Variants in EYS observed in about 807,000 individuals in gnomAD.
EYS encodes EGF-like photoreceptor maintenance factor.
EYS carries 250 observed loss-of-function variants against 282.1 expected under a neutral mutation model. That is an observed-to-expected ratio of 0.89 (90% CI 0.80 to 0.98). The LOEUF (loss-of-function observed/expected upper bound fraction) is 0.98. Among genes scored for constraint, EYS ranks in the 50% least tolerant of loss-of-function variants. The probability of loss-of-function intolerance (pLI) is 0.00; values close to 1 mark genes in which losing one functional copy is unlikely to be tolerated. For synonymous variants in EYS, 1,355 were observed against 1,282.9 expected, an observed-to-expected ratio of 1.06 and a Z score of -1.20; for missense variants, 4,016 against 3,709.0, an observed-to-expected ratio of 1.08 and a Z score of -2.15.
At chr6:64,266,176 T>C (rs893589697) in intron 30 of EYS, among the ~76,000 whole-genome samples, 10 of 152,164 alleles carry the variant, frequency 6.6e-5, no homozygotes, top group African/African-American at 2.2e-4. Context: ...CAGTTTCTAA[T>C]TTTACTTCAC....
intron 22 of EYS, among the ~76,000 whole-genome samples, chr6:64,789,459 C>T (rs534472595): frequency 6.6e-6 from 1 of 152,150 alleles, no homozygotes; most frequent in Non-Finnish European, 1.5e-5. Context: ...ACTTACAAGT[C>T]TATAAACATG....
chr6:65,113,110 G>C (rs1394517244), intron 12 of EYS, among the ~76,000 whole-genome samples: 3 of 151,942 alleles, frequency 2.0e-5, no homozygotes, highest in Non-Finnish European at 4.4e-5. Flanking sequence ...CCTTTTAGTT[G>C]TGCACGTAAG....
intron 35 of EYS, among the ~76,000 whole-genome samples, chr6:63,920,102 T>TA (rs1764529065): frequency 3.9e-5 from 6 of 152,212 alleles, no homozygotes; most frequent in Admixed American, 3.9e-4. Context: ...GTAACGCACT[T>TA]ACAGTTTTAG....
intron 4 of EYS, among the ~76,000 whole-genome samples, chr6:65,491,904 C>T (rs993828763): frequency 1.3e-5 from 2 of 152,052 alleles, no homozygotes; most frequent in African/African-American, 4.8e-5. Flanking sequence ...AAGAGGAGAA[C>T]ATTTACACAC....
At chr6:64,722,322 G>GA (rs149131444) in intron 22 of EYS, among the ~76,000 whole-genome samples, 3,860 of 152,036 alleles carry the variant, frequency 0.025, 125 homozygotes, top group East Asian at 0.14. Flanking sequence ...TAAAAAATGA[G>GA]AAAAATATAA....
rs372042507 is a variant in EYS at position 65,089,813 on chromosome 6, G to A, written c.2024-32086C>T. ...TACTAAACAAATGCAAAAATTAGCC[G>A]GGTATGGTGGCATGCACCTGTAATC... On this transcript the variant is annotated intron_variant, in intron 12 of 42. Coordinates refer to ENST00000503581, the MANE Select transcript of EYS (RefSeq NM_001142800.2). Among the ~76,000 whole-genome samples the A allele has an allele frequency of 6.7e-4, 101 of 151,738 alleles. 1 individual carries two copies. The highest frequency in any genetic ancestry group is 6.8e-4 in the Non-Finnish European group (46 of 67,888).
intron 16 of EYS, among the ~76,000 whole-genome samples, chr6:64,910,801 A>G (rs1767966281): frequency 6.6e-6 from 1 of 152,072 alleles, no homozygotes; most frequent in Non-Finnish European, 1.5e-5. Context: ...GGAAAGAAAT[A>G]TCACTATATT....
chr6:65,389,658 A>T (rs1765936402), intron 7 of EYS, among the ~76,000 whole-genome samples: 1 of 152,110 alleles, frequency 6.6e-6, no homozygotes, highest in African/African-American at 2.4e-5. Flanking sequence ...GATGGACAAG[A>T]CGTGTCAAAA....
intron 35 of EYS, among the ~76,000 whole-genome samples, chr6:63,915,548 G>T: frequency 6.6e-6 from 1 of 152,164 alleles, no homozygotes; most frequent in East Asian, 1.9e-4. Flanking sequence ...TTTAACAAAT[G>T]TATTTTTGTA....
At chr6:65,020,932 A>T (rs1772235882) in intron 13 of EYS, among the ~76,000 whole-genome samples, 1 of 152,052 alleles carries the variant, frequency 6.6e-6, no homozygotes, top group African/African-American at 2.4e-5. Flanking sequence ...TCCCTTTTTT[A>T]GCTATGGCTG....
chr6:65,661,709 C>A (rs1010478266), intron 1 of EYS, among the ~76,000 whole-genome samples: 1 of 152,008 alleles, frequency 6.6e-6, no homozygotes, highest in African/African-American at 2.4e-5. Context: ...CATGAGTGGT[C>A]ATTTGTACCA....
rs763146433 is a variant in EYS at position 63,856,789 on chromosome 6, A to C, written c.7228+7397T>G. ...AAAAATTTTAACACAGTTTCACTGG[A>C]TTGCAAAAATGTATTTTATAAACTT... is the stretch of plus-strand genomic sequence containing the variant. On this transcript the variant is annotated intron_variant, in intron 36 of 42. Transcript: ENST00000503581. 2.6e-5 allele frequency among the ~76,000 whole-genome samples: 4 copies of C among 152,174 alleles called. No homozygotes were observed. The South Asian group carries it at 8.3e-4, about 32-fold the overall frequency.
At chr6:64,776,974 G>A (rs991332235) in intron 22 of EYS, among the ~76,000 whole-genome samples, 4 of 152,234 alleles carry the variant, frequency 2.6e-5, no homozygotes, top group East Asian at 3.9e-4. Context: ...GCATGGCTGC[G>A]GAGGCCTCAG....
chr6:64,044,095 T>G (rs1291704556), intron 33 of EYS, among the ~76,000 whole-genome samples: 1 of 152,232 alleles, frequency 6.6e-6, no homozygotes, highest in East Asian at 1.9e-4. Flanking sequence ...CATGTTAATA[T>G]GTCATATTTC....
chr6:64,036,709 TAAAG>T (rs1425860927), intron 33 of EYS, among the ~76,000 whole-genome samples: 2 of 152,196 alleles, frequency 1.3e-5, no homozygotes, highest in Non-Finnish European at 2.9e-5. Flanking sequence ...AAGTGTATGA[TAAAG>T]AAGGAGGCTA....
chr6:64,103,576 T>C (rs1413591500), intron 31 of EYS, among the ~76,000 whole-genome samples: 1 of 151,974 alleles, frequency 6.6e-6, no homozygotes, highest in Non-Finnish European at 1.5e-5. Flanking sequence ...CTATGCGAGA[T>C]TAATAGGAAA....
intron 19 of EYS, among the ~76,000 whole-genome samples, chr6:64,866,419 G>T (rs1229120805): frequency 6.6e-6 from 1 of 151,810 alleles, no homozygotes; most frequent in Non-Finnish European, 1.5e-5. Flanking sequence ...AGAGATATAA[G>T]AATGAATAGC....
At chr6:65,583,034 C>G (rs1005594071) in intron 2 of EYS, among the ~76,000 whole-genome samples, 5 of 151,882 alleles carry the variant, frequency 3.3e-5, no homozygotes, top group African/African-American at 1.2e-4. Flanking sequence ...TAATATTGAT[C>G]CCTATAATGC....
chr6:63,990,851 A>G (rs1422020562), intron 34 of EYS, among the ~76,000 whole-genome samples: 4 of 151,628 alleles, frequency 2.6e-5, no homozygotes, highest in African/African-American at 9.7e-5. Flanking sequence ...GCTTCAAAGG[A>G]CCCAGAATAC....
Sources: allele counts gnomAD v4.1 joint callset (sites outside exome capture counted in the v4.1 genomes callset), GRCh38; gene constraint gnomAD v4.1.1; transcripts MANE v1.5; gene names NCBI Gene and HGNC (gene_info 2026-07-23, HGNC 2026-07-21).